SLMAP: variants seen among roughly 807,000 people sequenced by gnomAD.
SLMAP encodes sarcolemma associated protein, also known as sarcolemmal membrane-associated protein.
SLMAP carries 44 observed loss-of-function variants against 128.8 expected under a neutral mutation model. The observed-to-expected ratio is 0.34, with a 90% CI of 0.27 to 0.44. The LOEUF (loss-of-function observed/expected upper bound fraction) is 0.44. SLMAP is among the 20% of genes least tolerant of loss of function. The probability of loss-of-function intolerance (pLI) is 1.00; values close to 1 mark genes in which losing one functional copy is unlikely to be tolerated. For missense variants in SLMAP, 787 were observed against 985.3 expected (o/e 0.80, Z 2.69); for synonymous variants, 327 against 348.8 (o/e 0.94, Z 0.70).
chr3:57,769,742 C>T (rs961772082), intron 2 of SLMAP, among the ~76,000 whole-genome samples: 2 of 152,100 alleles, frequency 1.3e-5, no homozygotes, highest in South Asian at 4.1e-4. Context: ...TTTGAAGTAC[C>T]ATATAGTTTG....
chr3:57,929,703 G>A lies in SLMAP; in HGVS notation c.*2414G>A, dbSNP rs1407363223. 5.3e-5 allele frequency among the ~76,000 whole-genome samples: 8 copies of A among 152,162 alleles called. No homozygotes were observed. Among genetic ancestry groups the A allele is most frequent in the Admixed American group, 1.3e-4 (2 of 15,272 alleles). On this transcript the variant is annotated 3_prime_UTR_variant, in exon 25 of 25. Coordinates refer to ENST00000671191, the MANE Select transcript of SLMAP (RefSeq NM_001377540.1). ...GGCAGGGTTAGAGAATAAAAAGAAC[G>A]TGGTGTTTGAAGCAAAACAGATCTG...
rs559115665 is a variant in SLMAP at position 57,902,553 on chromosome 3, A to G, written c.1502-5331A>G. 3.9e-5 allele frequency among the ~76,000 whole-genome samples: 6 copies of G among 152,302 alleles called. No individual in the cohort carries two copies. The South Asian group carries it at 1.2e-3, about 32-fold the overall frequency. On this transcript the variant is annotated intron_variant, in intron 17 of 24. Transcript: ENST00000671191. Reference sequence around the variant, plus strand: ...ATAGAGGCTACAGGTAAGGCAGTCAAGAGGCTTAATCATTTGAGAGTCTGA... The same window carrying G: ...ATAGAGGCTACAGGTAAGGCAGTCAGGAGGCTTAATCATTTGAGAGTCTGA...
Position 57,843,305 on chromosome 3 carries a change from C to CTTTTTTT in SLMAP, c.419+1952_419+1958dup. Among the ~76,000 whole-genome samples, 389 of 92,172 alleles carry CTTTTTTT rather than the reference C, an allele frequency of 4.2e-3. 3 individuals are homozygous for CTTTTTTT. Among genetic ancestry groups the CTTTTTTT allele is most frequent in the Middle Eastern group, 9.6e-3 (1 of 104 alleles). 60.5% of individuals were successfully genotyped at this position (92,172 alleles called of 152,430 possible). ...TTTTCTTTTTTCTTTCTTTCTTTTC[C>CTTTTTTT]TTTTTTTTTTTTTTTTTTTTTTTTC... On this transcript the variant is annotated intron_variant, in intron 4 of 24. Coordinates refer to ENST00000671191, the MANE Select transcript of SLMAP (RefSeq NM_001377540.1).
intron 6 of SLMAP, among the ~76,000 whole-genome samples, chr3:57,853,041 A>C (rs2094564513): frequency 6.6e-6 from 1 of 152,272 alleles, no homozygotes; most frequent in Admixed American, 6.5e-5. Context: ...GTTAGGATAT[A>C]GTTCATGGAG....
Position 57,926,194 on chromosome 3 carries a change from T to A in SLMAP, c.*6+260T>A, listed in dbSNP as rs2097005139. 9 of 442,224 alleles carry A rather than the reference T, an allele frequency of 2.0e-5. No homozygotes were observed. The East Asian group carries it at 3.7e-4, about 18-fold the overall frequency. The allele number at this position is 442,224 out of a possible 1,614,324, so 27.4% of individuals were successfully genotyped here. A position where few individuals can be genotyped will look rare whatever the true frequency, so the allele number is the denominator to read the frequency against. ...CAGTTGTTAATATGCTTCCATTAAC[T>A]GAGTCTTTATCTCTAGCAAACTGGA... On this transcript the variant is annotated intron_variant, in intron 24 of 24. Transcript: ENST00000671191.
At chr3:57,902,046 G>C (rs2096396836) in intron 17 of SLMAP, 1 of 152,044 alleles carries the variant, frequency 6.6e-6, no homozygotes, top group Non-Finnish European at 1.5e-5. Flanking sequence ...AAGAAAAAAA[G>C]AGAGAGAGAT....
intron 2 of SLMAP, 120 bp downstream of exon 2, chr3:57,757,969 A>G (rs2077895200): frequency 2.5e-6 from 2 of 799,634 alleles, no homozygotes; most frequent in South Asian, 3.3e-5. Context: ...GGCTTTGCGC[A>G]AAGCCACGAA....
At chr3:57,854,027 TATATAATGTG>T (rs2094642143) in intron 6 of SLMAP, among the ~76,000 whole-genome samples, 8 of 109,340 alleles carry the variant, frequency 7.3e-5, no homozygotes, top group Non-Finnish European at 1.5e-4. Context: ...TTATATATAA[TATATAATGTG>T]TATATATATA....
chr3:57,772,026 A>G lies in SLMAP; in HGVS notation c.198+14177A>G, dbSNP rs182162702. 3.9e-5 allele frequency among the ~76,000 whole-genome samples: 6 copies of G among 152,368 alleles called. No individual in the cohort carries two copies. In the East Asian group the frequency reaches 1.2e-3, roughly 29 times the overall value. ...TTATCAGGCACCATAGAACATGGTG[A>G]AATTACGATATTACTTCAGTCTTCA... On this transcript the variant is annotated intron_variant, in intron 2 of 24. Transcript: ENST00000671191.
At chr3:57,849,359 A>G (rs1227848027) in intron 5 of SLMAP, among the ~76,000 whole-genome samples, 3 of 152,086 alleles carry the variant, frequency 2.0e-5, no homozygotes, top group Admixed American at 6.6e-5. Flanking sequence ...AAACCTACCT[A>G]TGGATTTCAA....
intron 2 of SLMAP, among the ~76,000 whole-genome samples, chr3:57,802,623 A>C (rs977116139): frequency 6.6e-6 from 1 of 152,180 alleles, no homozygotes; most frequent in Non-Finnish European, 1.5e-5. Flanking sequence ...ATAATGTCAT[A>C]TAATATGTAG....
At chr3:57,878,402 A>C (rs900468705) in intron 14 of SLMAP, among the ~76,000 whole-genome samples, 7 of 152,148 alleles carry the variant, frequency 4.6e-5, no homozygotes, top group Non-Finnish European at 8.8e-5. Context: ...TTGTGTATTG[A>C]TATTCTAATC....
rs1016474841 is a variant in SLMAP, at chr3:57,922,869, T to A, written c.2311-20T>A. ...CCATTTTAAGTTGTATCTGCACACT[T>A]TTTTTTTCTTTGCCTTTAGTATGAA... On this transcript the variant is annotated intron_variant, in intron 22 of 24. Transcript: ENST00000671191. 2 of 1,561,122 alleles carry A rather than the reference T, an allele frequency of 1.3e-6. No individual in the cohort carries two copies. The highest frequency in any genetic ancestry group is 1.7e-6 in the Non-Finnish European group (2 of 1,152,670).
chr3:57,851,539 C>G (rs2094502057), intron 6 of SLMAP, among the ~76,000 whole-genome samples: 1 of 151,306 alleles, frequency 6.6e-6, no homozygotes, highest in Non-Finnish European at 1.5e-5. Context: ...CTGGCGCAAT[C>G]TAGGCTCATT....
intron 2 of SLMAP, among the ~76,000 whole-genome samples, chr3:57,822,735 T>C (rs1373061644): frequency 6.6e-6 from 1 of 152,222 alleles, no homozygotes; most frequent in Non-Finnish European, 1.5e-5. Context: ...TTTTAATTGC[T>C]GAGGTGCCAG....
At chr3:57,783,180 A>T (rs917939776) in intron 2 of SLMAP, among the ~76,000 whole-genome samples, 4 of 152,192 alleles carry the variant, frequency 2.6e-5, no homozygotes, top group African/African-American at 9.6e-5. Context: ...GTTGTGGTAA[A>T]TGGAGCATTA....
chr3:57,860,816 G>A lies in SLMAP; in HGVS notation c.805G>A (p.Val269Ile), dbSNP rs1249475999. 7 of 1,589,392 alleles carry A rather than the reference G, an allele frequency of 4.4e-6. No individual in the cohort carries two copies. In the East Asian group the frequency reaches 1.6e-4, roughly 36 times the overall value. Reference sequence around the variant, plus strand: ...GGTTCTTCAGGAGAAAATTGAAGTGGTTAGAAAACTTTCAGAAGTTGAGGT... The same window carrying A: ...GGTTCTTCAGGAGAAAATTGAAGTGATTAGAAAACTTTCAGAAGTTGAGGT... ...RRVLQEKIEV[V>I]RKLSEVERSL... The change falls in exon 9 of 25, where the codon GTT (valine) becomes ATT (isoleucine). Residue 269 changes from valine (V) to isoleucine (I), a missense_variant. By Grantham distance (29) the Val-to-Ile change is conservative. This residue lies in a region of SLMAP where 715 missense variants were observed against 843.6 expected (regional missense o/e 0.85). Coordinates refer to ENST00000671191, the MANE Select transcript of SLMAP (RefSeq NM_001377540.1).
chr3:57,869,630 T>TTTTATATATATATATATATA (rs1451155377), intron 13 of SLMAP, among the ~76,000 whole-genome samples: 5 of 75,466 alleles, frequency 6.6e-5, no homozygotes, highest in East Asian at 8.1e-4. Flanking sequence ...CCCATCTCTA[T>TTTTATATATATATATATATA]TATATATATA....
intron 2 of SLMAP, among the ~76,000 whole-genome samples, chr3:57,776,701 T>C (rs938181994): frequency 1.3e-5 from 2 of 151,830 alleles, no homozygotes; most frequent in African/African-American, 4.8e-5. Context: ...TAATTTTTTG[T>C]ATTTAGTAGA....
Sources: gnomAD v4.1 joint callset for allele counts (sites outside exome capture counted in the v4.1 genomes callset) on GRCh38, gnomAD v4.1.1 for gene constraint, gnomAD v4.1.1 regional missense constraint, MANE v1.5 for transcripts, NCBI Gene and HGNC (gene_info 2026-07-23, HGNC 2026-07-21) for gene names.